The following MICOS10 variants were observed in gnomAD, a reference collection of about 807,000 sequenced individuals.
The protein encoded by MICOS10 is MICOS complex subunit MIC10.
A neutral mutation model predicts 13.4 loss-of-function variants in MICOS10; 5 were observed. That is an observed-to-expected ratio of 0.37 (90% confidence interval 0.20 to 0.78). The LOEUF (loss-of-function observed/expected upper bound fraction) is 0.78, where lower values mean the gene tolerates loss of function less well. MICOS10 is among the 30% of genes least tolerant of loss of function. MICOS10 has a pLI of 0.47. For missense variants in MICOS10, 101 were observed against 94.6 expected (o/e 1.07, Z -0.28); for synonymous variants, 35 against 33.6 (o/e 1.04, Z -0.15).
chr1:19,600,006 C>A (rs2094807753), intron 1 of MICOS10, among the ~76,000 whole-genome samples: 2 of 151,756 alleles, frequency 1.3e-5, no homozygotes, highest in Admixed American at 1.3e-4. Context: ...GGTCAGTCAG[C>A]GGGCAAATAG....
chr1:19,598,160 C>A (rs146382085), intron 1 of MICOS10: 1 of 152,150 alleles, frequency 6.6e-6, no homozygotes, highest in Non-Finnish European at 1.5e-5. Flanking sequence ...ATAAATGAAA[C>A]AGTTTATAAG....
At chr1:19,622,233 C>A in intron 2 of MICOS10, 86 bp downstream of exon 2, 1 of 1,113,702 alleles carries the variant, frequency 9.0e-7, no homozygotes, top group Non-Finnish European at 1.3e-6. Flanking sequence ...CATTGGAACC[C>A]ATCAATTTGT....
At position 19,615,887 on chromosome 1, in the gene MICOS10, T is replaced by A. The variant is rs372725895; in HGVS notation, c.65-6213T>A. On this transcript the variant is annotated intron_variant, in intron 1 of 3. Transcript: ENST00000322753. ...AGTCAGTGTGTGTAAGGGAAATACA[T>A]TAATGATACTGTTTCTCCATTGAAT... Among the ~76,000 whole-genome samples the A allele has an allele frequency of 3.3e-5, 5 of 152,094 alleles. No homozygotes were observed. The East Asian group carries it at 5.8e-4, about 18-fold the overall frequency.
intron 1 of MICOS10, chr1:19,601,071 T>A (rs1168133201): frequency 1.7e-6 from 2 of 1,200,794 alleles, no homozygotes; most frequent in Middle Eastern, 2.2e-4. Context: ...ATGACTATTA[T>A]AATCACTCGT....
At chr1:19,618,289 A>AT (rs2094891749) in intron 1 of MICOS10, among the ~76,000 whole-genome samples, 2 of 148,582 alleles carry the variant, frequency 1.3e-5, no homozygotes, top group African/African-American at 5.2e-5. Flanking sequence ...TTTATTTATT[A>AT]TTATTATTAT....
chr1:19,601,423 T>C (rs1479612804), intron 1 of MICOS10: 1 of 171,758 alleles, frequency 5.8e-6, no homozygotes, highest in Non-Finnish European at 1.3e-5. Flanking sequence ...GCAAAAAATA[T>C]ATATATTAGC....
intron 1 of MICOS10, among the ~76,000 whole-genome samples, chr1:19,621,700 C>G (rs1232363156): frequency 6.6e-6 from 1 of 152,174 alleles, no homozygotes; most frequent in Non-Finnish European, 1.5e-5. Flanking sequence ...ACTCCAAGTG[C>G]TGAGGTGACA....
Position 19,628,462 on chromosome 1 carries a change from TC to T in MICOS10, c.*2062del, listed in dbSNP as rs1390907712. The T allele has an allele frequency of 6.5e-5, 9 of 137,432 alleles. No individual in the cohort carries two copies. Among genetic ancestry groups the T allele is most frequent in the Non-Finnish European group, 1.3e-4 (8 of 61,464 alleles). The allele number at this position is 137,432 out of a possible 1,614,324, so 8.5% of individuals were successfully genotyped here. A position where few individuals can be genotyped will look rare whatever the true frequency, so the allele number is the denominator to read the frequency against. On this transcript the variant is annotated 3_prime_UTR_variant, in exon 4 of 4. Coordinates refer to ENST00000322753, the MANE Select transcript of MICOS10 (RefSeq NM_001032363.4). ...ACTTTGGGAGGCCAAGGCAGGTGGATCATGAGGTCAAGAGATCAAGACCATC... is the reference window on the plus strand; with the variant it reads ...ACTTTGGGAGGCCAAGGCAGGTGGATATGAGGTCAAGAGATCAAGACCATC...
At chr1:19,604,108 T>C (rs190464731) in intron 1 of MICOS10, among the ~76,000 whole-genome samples, 1 of 152,342 alleles carries the variant, frequency 6.6e-6, no homozygotes, top group East Asian at 1.9e-4. Flanking sequence ...GCCTCAGTTT[T>C]CTTATCTATA....
rs1478040332 is a variant in MICOS10 at position 19,602,594 on chromosome 1, T to G, written c.64+5485T>G. Among the ~76,000 whole-genome samples, 4 of 152,246 alleles carry G rather than the reference T, an allele frequency of 2.6e-5. No homozygotes were observed. In the East Asian group the frequency reaches 7.7e-4, roughly 29 times the overall value. ...AAAAAGGAGTGAAGAATATTACATTTTATGAATGGCATGTTCCGTTAGTTT... is the reference window on the plus strand; with the variant it reads ...AAAAAGGAGTGAAGAATATTACATTGTATGAATGGCATGTTCCGTTAGTTT... On this transcript the variant is annotated intron_variant, in intron 1 of 3. Transcript: ENST00000322753.
intron 2 of MICOS10, 75 bp from the exon 3 acceptor site, chr1:19,623,397 AAT>A: frequency 1.2e-6 from 1 of 824,780 alleles, no homozygotes; most frequent in South Asian, 1.5e-5. Context: ...ACCCTAAGTA[AAT>A]GTATTTAAGA....
chr1:19,608,029 A>C (rs2094841878), intron 1 of MICOS10: 2 of 676,780 alleles, frequency 3.0e-6, no homozygotes, highest in Admixed American at 4.9e-5. Flanking sequence ...CCTCGCTTAA[A>C]AGGGTCGTAG....
rs770567219 is a variant in MICOS10 at position 19,597,045 on chromosome 1, C to T, written c.-1C>T. On this transcript the variant is annotated 5_prime_UTR_variant, in exon 1 of 4. Coordinates refer to ENST00000322753, the MANE Select transcript of MICOS10 (RefSeq NM_001032363.4). ...GAAAGCTGGAGGCGCGGGTGGGGAA[C>T]ATGTCTGAGTCGGAGCTCGGCAGGA... The T allele has an allele frequency of 1.8e-5, 28 of 1,587,612 alleles. No homozygotes were observed. The highest frequency in any genetic ancestry group is 2.1e-5 in the Non-Finnish European group (25 of 1,169,900).
intron 1 of MICOS10, chr1:19,608,414 G>A: frequency 7.9e-7 from 1 of 1,262,614 alleles, no homozygotes. Context: ...CCGGGCCACA[G>A]GAGGAAATAG....
At position 19,597,051 on chromosome 1, in the gene MICOS10, T is replaced by TG. The variant is rs765883478; in HGVS notation, c.7dup (p.Glu3GlyfsTer35). 2 of 1,590,358 alleles carry TG rather than the reference T, an allele frequency of 1.3e-6. No homozygotes were observed. The highest frequency in any genetic ancestry group is 1.7e-6 in the Non-Finnish European group (2 of 1,171,012). ...TGGAGGCGCGGGTGGGGAACATGTCTGAGTCGGAGCTCGGCAGGAAGTGGG... is the reference window on the plus strand; with the variant it reads ...TGGAGGCGCGGGTGGGGAACATGTCTGGAGTCGGAGCTCGGCAGGAAGTGGG... On this transcript the variant is annotated frameshift_variant, in exon 1 of 4. Transcript: ENST00000322753. LOFTEE classifies it high-confidence loss of function.
At chr1:19,616,313 T>C (rs2094884397) in intron 1 of MICOS10, among the ~76,000 whole-genome samples, 1 of 152,224 alleles carries the variant, frequency 6.6e-6, no homozygotes, top group Non-Finnish European at 1.5e-5. Flanking sequence ...CCGATTCTTA[T>C]ATTTAATTTC....
chr1:19,617,844 A>G (rs2094889729), intron 1 of MICOS10, among the ~76,000 whole-genome samples: 1 of 152,132 alleles, frequency 6.6e-6, no homozygotes, highest in Non-Finnish European at 1.5e-5. Flanking sequence ...GAAAATATTG[A>G]TTACATTTTA....
chr1:19,620,575 A>C (rs1228801670), intron 1 of MICOS10, among the ~76,000 whole-genome samples: 6 of 152,250 alleles, frequency 3.9e-5, no homozygotes, highest in African/African-American at 1.4e-4. Context: ...AACTAAGACC[A>C]TAGAGCACAT....
intron 1 of MICOS10, among the ~76,000 whole-genome samples, chr1:19,614,267 A>ATCCAGGTAGAAGT (rs1553309504): frequency 1.3e-5 from 2 of 151,564 alleles, no homozygotes; most frequent in African/African-American, 2.4e-5. Flanking sequence ...TTTTATAATT[A>ATCCAGGTAGAAGT]TCCAGGTAGA....
Sources: gnomAD v4.1 joint callset for allele counts (sites outside exome capture counted in the v4.1 genomes callset) on GRCh38, gnomAD v4.1.1 for gene constraint, MANE v1.5 for transcripts, NCBI Gene and HGNC (gene_info 2026-07-23, HGNC 2026-07-21) for gene names.